The following APBB1 variants were observed in gnomAD, a reference collection of about 807,000 sequenced individuals.
The protein encoded by APBB1 is adaptor protein FE65a2.
In APBB1, 22 loss-of-function variants were observed where a neutral mutation model predicts 78.4. The ratio of observed to expected loss-of-function variants is 0.28; its 90% CI spans 0.20 to 0.40. The LOEUF (loss-of-function observed/expected upper bound fraction) is 0.40. Ranked by LOEUF, APBB1 falls within the 10% of genes least tolerant of loss-of-function variation. The pLI, the probability that APBB1 is intolerant of heterozygous loss-of-function variation, is 1.00. For synonymous variants in APBB1, 369 were observed against 372.7 expected (o/e 0.99, Z 0.12); for missense variants, 749 against 932.4 (o/e 0.80, Z 2.56).
In APBB1 at chr11:6,410,876, C is replaced by T. The variant is rs760636372; in HGVS notation, c.472G>A (p.Glu158Lys). 49 of 1,613,900 alleles carry T rather than the reference C, an allele frequency of 3.0e-5. No homozygotes were observed. Among genetic ancestry groups the T allele is most frequent in the African/African-American group, 9.3e-5 (7 of 74,942 alleles). Reference sequence around the variant, plus strand: ...TCATCATCATCCTCCTCCTCCTCCTCGGCCTCCCCGGCCGCCTTCTCCTCT... The same window carrying T: ...TCATCATCATCCTCCTCCTCCTCCTTGGCCTCCCCGGCCGCCTTCTCCTCT... ...EGEEKAAGEA[E>K]EEEEDDDDEE... is the part of the protein sequence containing the mutation. Residue 158 changes from glutamate to lysine, a missense_variant, in exon 2 of 15, where the codon GAG becomes AAG. This residue lies in a region of APBB1 where 635 missense variants were observed against 765.0 expected (regional missense o/e 0.83). Coordinates refer to ENST00000609360, the MANE Select transcript of APBB1 (RefSeq NM_001164.5).
chr11:6,415,388 A>G (rs1849093414), intron 1 of APBB1, among the ~76,000 whole-genome samples: 3 of 152,206 alleles, frequency 2.0e-5, no homozygotes, highest in Admixed American at 2.0e-4. Flanking sequence ...AGAGTGATGA[A>G]GACAAAAGAA....
At chr11:6,412,113 C>G (rs1366602723) in intron 1 of APBB1, among the ~76,000 whole-genome samples, 3 of 152,172 alleles carry the variant, frequency 2.0e-5, no homozygotes, top group Non-Finnish European at 4.4e-5. Context: ...TCCCCTGGGC[C>G]CCTCAGCCTT....
intron 1 of APBB1, 21 bp downstream of exon 1, chr11:6,418,964 C>T (rs957858982): frequency 2.8e-5 from 11 of 390,618 alleles, no homozygotes; most frequent in African/African-American, 2.3e-4. Flanking sequence ...GGGGCTGGGC[C>T]GGGGCAGGGA....
In APBB1 at chr11:6,396,225, A is replaced by G; in HGVS notation, c.1673-10T>C. On this transcript the variant is annotated splice_polypyrimidine_tract_variant and intron_variant, in intron 12 of 14. Coordinates refer to ENST00000609360, the MANE Select transcript of APBB1 (RefSeq NM_001164.5). ...TTAATCACATCTACCCCTAGAACAT[A>G]TGGACACAAGATACCACTGAGGGTA... 1 of 1,548,600 alleles carries G rather than the reference A, an allele frequency of 6.5e-7. No homozygotes were observed. The highest frequency in any genetic ancestry group is 1.4e-5 in the African/African-American group (1 of 72,932).
Position 6,403,691 on chromosome 11 carries a change from G to C in APBB1, c.853C>G (p.Arg285Gly), listed in dbSNP as rs367894248. ...TGTTQWEPPG[R>G]ASPSQGSSPQ... The stretch of plus-strand genomic sequence containing the variant: ...CTGCTCCCCTGTGAGGGGGAGGCCC[G>C]GCCGGGGGGTTCCCACTGGGTGGTC... Residue 285 changes from arginine to glycine, a missense_variant, in exon 3 of 15, where the codon CGG (arginine) becomes GGG (glycine). Around this residue, in one of 3 missense-constraint regions of APBB1, gnomAD observed 635 missense variants for 765.0 expected, o/e 0.83. Transcript: ENST00000609360. This position sits in a 1 kb window ranked among gnomAD's most constrained non-coding sequence, Gnocchi z 5.3. The C allele has an allele frequency of 1.2e-5, 19 of 1,608,514 alleles. No individual in the cohort carries two copies. Among genetic ancestry groups the C allele is most frequent in the Non-Finnish European group, 1.5e-5 (18 of 1,176,638 alleles).
At position 6,401,316 on chromosome 11, in the gene APBB1, G is replaced by A. The variant is rs1350767240; in HGVS notation, c.1588+29C>T. ...CACCCACCTTTGCCAACAAAGCTGA[G>A]CTGGACCTGGAGGGGTTTTGACACT... is the stretch of plus-strand genomic sequence containing the variant. On this transcript the variant is annotated intron_variant, in intron 11 of 14. Transcript: ENST00000609360. This position sits in a 1 kb window ranked among gnomAD's most constrained non-coding sequence, Gnocchi z 4.5. The A allele has an allele frequency of 1.2e-6, 2 of 1,614,052 alleles. No homozygotes were observed. Among genetic ancestry groups the A allele is most frequent in the Non-Finnish European group, 1.7e-6 (2 of 1,180,038 alleles).
Position 6,402,201 on chromosome 11 carries a change from A to T in APBB1, c.1263T>A (p.Asp421Glu), listed in dbSNP as rs775422772. The T allele has an allele frequency of 5.6e-6, 9 of 1,613,612 alleles. No individual in the cohort carries two copies. The highest frequency in any genetic ancestry group is 2.7e-5 in the African/African-American group (2 of 74,906). The change falls in exon 8 of 15, where the codon GAT becomes GAA. Residue 421 changes from aspartate (D) to glutamate (E), a missense_variant. By Grantham distance (45) the Asp-to-Glu change is conservative. Around this residue, in one of 3 missense-constraint regions of APBB1, gnomAD observed 635 missense variants for 765.0 expected, o/e 0.83. Transcript: ENST00000609360. Reference protein sequence around the residue: ...PMSGGWGEGKDLLLQLEDETL... With the variant: ...PMSGGWGEGKELLLQLEDETL... ...TCTCATCCTCCAGCTGCAGTAGCAG[A>T]TCCTTTCCCTGCAGGACCAGAAGCA... is the stretch of plus-strand genomic sequence containing the variant.
At chr11:6,408,492 A>AT (rs888563255) in intron 2 of APBB1, among the ~76,000 whole-genome samples, 9 of 147,308 alleles carry the variant, frequency 6.1e-5, no homozygotes, top group Admixed American at 1.4e-4. Context: ...CTGTCTCTAC[A>AT]TTTTTTTTTT....
chr11:6,412,018 C>T lies in APBB1; in HGVS notation c.-14-657G>A, dbSNP rs868638199. Among the ~76,000 whole-genome samples, 5 of 152,330 alleles carry T rather than the reference C, an allele frequency of 3.3e-5. No individual in the cohort carries two copies. In the South Asian group the frequency reaches 1.0e-3, roughly 32 times the overall value. ...GCCAGATGAAGCTACATCTTGGTGA[C>T]AATTTCCATGAAGTAGCTCCCCTTG... On this transcript the variant is annotated intron_variant, in intron 1 of 14. Coordinates refer to ENST00000609360, the MANE Select transcript of APBB1 (RefSeq NM_001164.5).
intron 1 of APBB1, among the ~76,000 whole-genome samples, chr11:6,415,621 C>A (rs1849100075): frequency 6.6e-6 from 1 of 152,160 alleles, no homozygotes; most frequent in Non-Finnish European, 1.5e-5. Context: ...TAGGACATAA[C>A]TCTCCATTGG....
intron 2 of APBB1, among the ~76,000 whole-genome samples, chr11:6,410,040 G>A (rs1848918018): frequency 6.6e-6 from 1 of 150,478 alleles, no homozygotes; most frequent in Non-Finnish European, 1.5e-5. Context: ...GGCGTGACCT[G>A]TTAAAACGGG....
chr11:6,396,495 C>T (rs1848230553), intron 12 of APBB1: 1 of 392,940 alleles, frequency 2.5e-6, no homozygotes, highest in Non-Finnish European at 4.6e-6. Context: ...TGACTGACCT[C>T]TCAAAGTTCT....
chr11:6,401,662 T>C lies in APBB1; in HGVS notation c.1415A>G (p.Lys472Arg), dbSNP rs1282436503. 6.2e-7 allele frequency: 1 copy of C among 1,614,164 alleles called. No homozygotes were observed. The highest frequency in any genetic ancestry group is 1.3e-5 in the African/African-American group (1 of 75,030). ...GTGGCACTTGAGCATCTGGGTCAGC[T>C]TATCACGAGCTACGTAGGCAAAGTC... is the stretch of plus-strand genomic sequence containing the variant. ...ERDFAYVARD[K>R]LTQMLKCHVF... is the part of the protein sequence containing the mutation. The change falls in exon 10 of 15, where the codon AAG becomes AGG. Residue 472 changes from lysine (K) to arginine (R), a missense_variant. This residue lies in a region of APBB1 where 635 missense variants were observed against 765.0 expected (regional missense o/e 0.83). Transcript: ENST00000609360. This position sits in a 1 kb window ranked among gnomAD's most constrained non-coding sequence, Gnocchi z 4.5.
chr11:6,396,375 G>T, intron 12 of APBB1, 160 bp from the exon 13 acceptor site: 1 of 599,848 alleles, frequency 1.7e-6, no homozygotes, highest in Non-Finnish European at 2.9e-6. Flanking sequence ...CCCTTCCCTG[G>T]GGCTCTCCTC....
Position 6,405,541 on chromosome 11 carries a change from GACCCTGCTGCTGGGCA to G in APBB1, c.722-1735_722-1720del, listed in dbSNP as rs1227371574. 4.1e-6 allele frequency: 4 copies of G among 985,924 alleles called. No individual in the cohort carries two copies. In the African/African-American group the frequency reaches 7.0e-5, roughly 17 times the overall value. 61.1% of individuals were successfully genotyped at this position (985,924 alleles called of 1,614,324 possible). On this transcript the variant is annotated intron_variant, in intron 2 of 14. Coordinates refer to ENST00000609360, the MANE Select transcript of APBB1 (RefSeq NM_001164.5). ...AGTACTAAGGGACAGGCAGTCCCAA[GACCCTGCTGCTGGGCA>G]ACCAGACACAGCAGGGCTGGGAGTG...
At position 6,401,587 on chromosome 11, in the gene APBB1, T is replaced by C; in HGVS notation, c.1490A>G (p.Glu497Gly). The change falls in exon 10 of 15, where the codon GAG becomes GGG. Residue 497 changes from glutamate (E) to glycine (G), a missense_variant. Glu to Gly is a moderately conservative substitution (Grantham distance 98, BLOSUM62 -2). This residue lies in a region of APBB1 where 635 missense variants were observed against 765.0 expected (regional missense o/e 0.83). Transcript: ENST00000609360. This position sits in a 1 kb window ranked among gnomAD's most constrained non-coding sequence, Gnocchi z 4.5. ...AGGGGGCCGTGCCTTAGAGCAGATC[T>C]CATGCAGGCTGGTGGCGATGTTCTT... ...PAKNIATSLH[E>G]ICSKIMAERR... 3 of 1,614,144 alleles carry C rather than the reference T, an allele frequency of 1.9e-6. No individual in the cohort carries two copies. In the South Asian group the frequency reaches 3.3e-5, roughly 18 times the overall value.
At chr11:6,412,140 T>G (rs983783274) in intron 1 of APBB1, among the ~76,000 whole-genome samples, 2 of 152,156 alleles carry the variant, frequency 1.3e-5, no homozygotes, top group Admixed American at 1.3e-4. Context: ...CTTTGTTTTT[T>G]GGGGGTTGTT....
At position 6,403,595 on chromosome 11, in the gene APBB1, G is replaced by T. The variant is rs374571987; in HGVS notation, c.898-51C>A. Reference sequence around the variant, plus strand: ...GTGAGTGTCCTATCCTACTCCAGCAGCACACACTCCCTCCACCCCTGGCCC... The same window carrying T: ...GTGAGTGTCCTATCCTACTCCAGCATCACACACTCCCTCCACCCCTGGCCC... On this transcript the variant is annotated intron_variant, in intron 3 of 14. Transcript: ENST00000609360. The surrounding 1 kb of genome is among the most constrained non-coding windows in gnomAD (Gnocchi z 5.3). The T allele has an allele frequency of 6.2e-7, 1 of 1,613,454 alleles. No individual in the cohort carries two copies. The highest frequency in any genetic ancestry group is 1.3e-5 in the African/African-American group (1 of 74,914).
At chr11:6,418,534 G>A (rs888715508) in intron 1 of APBB1, among the ~76,000 whole-genome samples, 5 of 152,236 alleles carry the variant, frequency 3.3e-5, no homozygotes, top group African/African-American at 1.2e-4. Context: ...AGGCCTCCTG[G>A]CTGAGCTGGG....
Sources: gnomAD v4.1 joint callset for allele counts (sites outside exome capture counted in the v4.1 genomes callset) on GRCh38, gnomAD v4.1.1 for gene constraint, gnomAD v4.1.1 regional missense constraint, Gnocchi (gnomAD v3.1) non-coding constraint, MANE v1.5 for transcripts, NCBI Gene and HGNC (gene_info 2026-07-23, HGNC 2026-07-21) for gene names.